The following PCDHGB4 variants were observed in gnomAD, a reference collection of about 807,000 sequenced individuals.
PCDHGB4 encodes protocadherin gamma-B4.
A neutral mutation model predicts 60.5 loss-of-function variants in PCDHGB4; 38 were observed. The observed-to-expected ratio is 0.63, with a 90% CI of 0.48 to 0.82. The LOEUF is 0.82. Ranked by LOEUF, PCDHGB4 falls within the 40% of genes least tolerant of loss-of-function variation. PCDHGB4 has a pLI of 0.00. For missense variants in PCDHGB4, 1,109 were observed against 1,209.6 expected, an observed-to-expected ratio of 0.92 and a Z score of 1.23; for synonymous variants, 456 against 509.7, an observed-to-expected ratio of 0.89 and a Z score of 1.42.
chr5:141,389,157 C>T lies in PCDHGB4; in HGVS notation c.1273C>T (p.Arg425Trp), dbSNP rs192156139. The T allele has an allele frequency of 2.5e-6, 4 of 1,613,976 alleles. No homozygotes were observed. The East Asian group carries it at 6.7e-5, about 27-fold the overall frequency. ...EYNITVTATD[R>W]GKPPLSSSSS... ...CAATATAACCGTTACGGCAACAGAT[C>T]GGGGCAAGCCTCCCCTCTCCTCCAG... is the stretch of plus-strand genomic sequence containing the variant. The change falls in exon 1 of 4, where the codon CGG (arginine) becomes TGG (tryptophan). Residue 425 changes from arginine to tryptophan, a missense_variant. Coordinates refer to ENST00000519479, the MANE Select transcript of PCDHGB4 (RefSeq NM_003736.4).
At position 141,399,887 on chromosome 5, in the gene PCDHGB4, T is replaced by C. The variant is rs1189359878; in HGVS notation, c.2397+9606T>C. ...GAGCCCGGCTACCTGGTGACCAAGG[T>C]AGTGGCCGTGGACGCAGACTCAGGA... On this transcript the variant is annotated intron_variant, in intron 1 of 3. Coordinates refer to ENST00000519479, the MANE Select transcript of PCDHGB4 (RefSeq NM_003736.4). 3 of 1,612,524 alleles carry C rather than the reference T, an allele frequency of 1.9e-6. No homozygotes were observed. The African/African-American group carries it at 4.0e-5, about 22-fold the overall frequency.
intron 1 of PCDHGB4, among the ~76,000 whole-genome samples, chr5:141,465,280 C>T (rs922029628): frequency 7.2e-5 from 11 of 151,990 alleles, no homozygotes; most frequent in Non-Finnish European, 1.5e-4. Flanking sequence ...TTAGTTCACC[C>T]CTAAAGAACT....
intron 1 of PCDHGB4, chr5:141,398,485 A>G: frequency 6.2e-7 from 1 of 1,608,602 alleles, no homozygotes; most frequent in Non-Finnish European, 8.5e-7. Context: ...TTATCACGTG[A>G]ATGTGGAGAT....
At chr5:141,457,111 G>T (rs922281700) in intron 1 of PCDHGB4, among the ~76,000 whole-genome samples, 1 of 152,120 alleles carries the variant, frequency 6.6e-6, no homozygotes, top group African/African-American at 2.4e-5. Context: ...AGCAAAATAC[G>T]ACAGCAATGG....
rs769358867 is a variant in PCDHGB4, at chr5:141,388,773, G to A, written c.889G>A (p.Gly297Arg). Residue 297 changes from glycine (G) to arginine (R), a missense_variant, in exon 1 of 4, where the codon GGG becomes AGG. Physicochemically the swap from Gly to Arg is moderately radical, Grantham distance 125. Coordinates refer to ENST00000519479, the MANE Select transcript of PCDHGB4 (RefSeq NM_003736.4). ...ITQFDLNSNT[G>R]EITVLNTLDF... Reference sequence around the variant, plus strand: ...CCAATTTGACCTGAACTCTAACACCGGGGAAATTACTGTTTTAAATACATT... The same window carrying A: ...CCAATTTGACCTGAACTCTAACACCAGGGAAATTACTGTTTTAAATACATT... The A allele has an allele frequency of 1.9e-6, 3 of 1,613,808 alleles. No individual in the cohort carries two copies. Among genetic ancestry groups the A allele is most frequent in the East Asian group, 2.2e-5 (1 of 44,882 alleles).
intron 1 of PCDHGB4, chr5:141,395,364 AT>A: frequency 1.6e-6 from 2 of 1,264,440 alleles, no homozygotes; most frequent in Non-Finnish European, 2.1e-6. Context: ...TTTTGGGTTT[AT>A]TTTGGTGGTG....
At position 141,485,680 on chromosome 5, in the gene PCDHGB4, C is replaced by A. The variant is rs1450674419; in HGVS notation, c.2398-9127C>A. The A allele has an allele frequency of 6.2e-7, 1 of 1,613,966 alleles. No individual in the cohort carries two copies. On this transcript the variant is annotated intron_variant, in intron 1 of 3. Transcript: ENST00000519479. The surrounding 1 kb of genome is among the most constrained non-coding windows in gnomAD (Gnocchi z 5.7). ...ATGTGGGGAGCAATTCGATTAGCAGCTATAGGCTGAGCTCCAATGAACACT... is the reference window on the plus strand; with the variant it reads ...ATGTGGGGAGCAATTCGATTAGCAGATATAGGCTGAGCTCCAATGAACACT...
chr5:141,430,904 T>C (rs2097322701), intron 1 of PCDHGB4: 5 of 1,606,730 alleles, frequency 3.1e-6, no homozygotes, highest in Middle Eastern at 1.7e-4. Context: ...GGGCGACATC[T>C]CCAGGGACCT....
intron 1 of PCDHGB4, among the ~76,000 whole-genome samples, chr5:141,436,521 C>T (rs2097829891): frequency 6.6e-6 from 1 of 152,086 alleles, no homozygotes; most frequent in African/African-American, 2.4e-5. Flanking sequence ...AACTGTGTCA[C>T]CTTTAGCAAG....
chr5:141,476,574 G>A lies in PCDHGB4; in HGVS notation c.2398-18233G>A, dbSNP rs746783993. ...AGCGAGGCCGTGGCTCCGGGGACGC[G>A]CTTTCCGCTCGAGAGCGCGCACGAT... is the stretch of plus-strand genomic sequence containing the variant. On this transcript the variant is annotated intron_variant, in intron 1 of 3. Coordinates refer to ENST00000519479, the MANE Select transcript of PCDHGB4 (RefSeq NM_003736.4). The surrounding 1 kb of genome is among the most constrained non-coding windows in gnomAD (Gnocchi z 7.6). 40 of 1,614,084 alleles carry A rather than the reference G, an allele frequency of 2.5e-5. No homozygotes were observed. In the African/African-American group the frequency reaches 3.7e-4, roughly 15 times the overall value.
intron 2 of PCDHGB4, among the ~76,000 whole-genome samples, chr5:141,503,361 C>T (rs1021880248): frequency 6.6e-6 from 1 of 151,886 alleles, no homozygotes; most frequent in Non-Finnish European, 1.5e-5. Context: ...CTTTGGGAAG[C>T]GGAGGCAGGT....
At chr5:141,409,952 C>T (rs892751686) in intron 1 of PCDHGB4, 2 of 1,613,232 alleles carry the variant, frequency 1.2e-6, no homozygotes, top group Non-Finnish European at 1.7e-6. Context: ...CTCTGCAGAG[C>T]CCGGCTACCT....
intron 1 of PCDHGB4, among the ~76,000 whole-genome samples, chr5:141,445,077 T>C (rs778919022): frequency 5.9e-5 from 9 of 152,242 alleles, no homozygotes; most frequent in Non-Finnish European, 1.2e-4. Flanking sequence ...CTCATTAAAT[T>C]GTCCCTACAT....
At chr5:141,497,541 T>C (rs1157403777) in intron 2 of PCDHGB4, among the ~76,000 whole-genome samples, 9 of 89,564 alleles carry the variant, frequency 1.0e-4, no homozygotes, top group Non-Finnish European at 2.1e-4. Context: ...GCAACAAACC[T>C]TTTTTTTTTT....
intron 1 of PCDHGB4, chr5:141,418,910 T>C: frequency 6.2e-7 from 1 of 1,613,936 alleles, no homozygotes; most frequent in East Asian, 2.2e-5. Flanking sequence ...AATCATCACG[T>C]CACTCTCTGA....
At chr5:141,390,867 C>CATGT in intron 1 of PCDHGB4, 1 of 151,040 alleles carries the variant, frequency 6.6e-6, no homozygotes, top group East Asian at 1.9e-4. Flanking sequence ...GCTGTGTGTG[C>CATGT]GTGTGTGTGT....
In PCDHGB4 at chr5:141,430,673, C is replaced by T. The variant is rs183365013; in HGVS notation, c.2397+40392C>T. 1.5e-4 allele frequency: 198 copies of T among 1,288,318 alleles called. 2 individuals are homozygous for T. In the African/African-American group the frequency reaches 2.8e-3, roughly 18 times the overall value. The allele number at this position is 1,288,318 out of a possible 1,614,324, so 79.8% of individuals were successfully genotyped here. On this transcript the variant is annotated intron_variant, in intron 1 of 3. Coordinates refer to ENST00000519479, the MANE Select transcript of PCDHGB4 (RefSeq NM_003736.4). Reference sequence around the variant, plus strand: ...AAACAACGGAGGAGCTCTGACTTCCCAACTGTCCCATTCTATGGGCGAAGG... The same window carrying T: ...AAACAACGGAGGAGCTCTGACTTCCTAACTGTCCCATTCTATGGGCGAAGG...
chr5:141,413,431 G>C (rs963192857), intron 1 of PCDHGB4: 1 of 1,614,092 alleles, frequency 6.2e-7, no homozygotes, highest in Non-Finnish European at 8.5e-7. Flanking sequence ...CCCGCGCAGC[G>C]GCAGCTTGAT....
intron 1 of PCDHGB4, among the ~76,000 whole-genome samples, chr5:141,457,057 C>T (rs1224573005): frequency 6.6e-6 from 1 of 152,182 alleles, no homozygotes; most frequent in Non-Finnish European, 1.5e-5. Flanking sequence ...TTCATGCTTC[C>T]TTTTTGCCAG....
Sources: allele counts gnomAD v4.1 joint callset (sites outside exome capture counted in the v4.1 genomes callset), GRCh38; gene constraint gnomAD v4.1.1; non-coding constraint Gnocchi (gnomAD v3.1); transcripts MANE v1.5; gene names NCBI Gene and HGNC (gene_info 2026-07-23, HGNC 2026-07-21).